Variants in CPQ observed in about 807,000 individuals in gnomAD.
CPQ encodes the protein carboxypeptidase Q.
Under a neutral mutation model 45.7 loss-of-function variants are expected in CPQ, and 37 were observed. That is an observed-to-expected ratio of 0.81 (90% CI 0.62 to 1.07). The LOEUF (loss-of-function observed/expected upper bound fraction) is 1.07, where lower values mean the gene tolerates loss of function less well. Among genes scored for constraint, CPQ ranks in the 50% least tolerant of loss-of-function variants. CPQ has a pLI of 0.00. For missense variants in CPQ, 537 were observed against 572.9 expected (o/e 0.94, Z 0.64); for synonymous variants, 186 against 205.8 (o/e 0.90, Z 0.82).
intron 5 of CPQ, among the ~76,000 whole-genome samples, chr8:96,995,757 A>T (rs551063665): frequency 3.3e-5 from 5 of 151,842 alleles, no homozygotes; most frequent in Non-Finnish European, 7.4e-5. Context: ...TTTGTTATAC[A>T]GATTATTTCA....
intron 2 of CPQ, among the ~76,000 whole-genome samples, chr8:96,787,676 T>C (rs909542783): frequency 1.7e-4 from 26 of 151,806 alleles, no homozygotes; most frequent in African/African-American, 6.0e-4. Flanking sequence ...AATTCACCAG[T>C]GAAGCAATCT....
chr8:96,690,985 A>G (rs1809297141), intron 1 of CPQ, among the ~76,000 whole-genome samples: 1 of 145,376 alleles, frequency 6.9e-6, no homozygotes, highest in Non-Finnish European at 1.5e-5. Flanking sequence ...TTCCAAGGCA[A>G]TATCCATGTG....
At chr8:96,876,035 T>G (rs1445797138) in intron 3 of CPQ, among the ~76,000 whole-genome samples, 1 of 152,038 alleles carries the variant, frequency 6.6e-6, no homozygotes, top group East Asian at 1.9e-4. Context: ...TTGTTCTATT[T>G]TATTGTTTTT....
At chr8:97,012,117 C>G (rs2130440695) in intron 5 of CPQ, among the ~76,000 whole-genome samples, 1 of 152,242 alleles carries the variant, frequency 6.6e-6, no homozygotes, top group Admixed American at 6.5e-5. Flanking sequence ...ATAATGATTT[C>G]TTCAGCACCA....
At chr8:97,013,998 G>C (rs1193275515) in intron 5 of CPQ, among the ~76,000 whole-genome samples, 2 of 152,298 alleles carry the variant, frequency 1.3e-5, no homozygotes, top group South Asian at 2.1e-4. Context: ...TATTGATAGA[G>C]ATACATGTTC....
At chr8:96,870,637 A>T (rs1259939874) in intron 3 of CPQ, among the ~76,000 whole-genome samples, 1 of 151,940 alleles carries the variant, frequency 6.6e-6, no homozygotes, top group African/African-American at 2.4e-5. Context: ...TACAATGGGG[A>T]CAGTAAGAGT....
chr8:97,073,161 TACAC>T (rs750083883), intron 7 of CPQ, among the ~76,000 whole-genome samples: 13 of 152,204 alleles, frequency 8.5e-5, no homozygotes, highest in Non-Finnish European at 1.5e-4. Flanking sequence ...AAGTACCAAA[TACAC>T]AGATTACTCA....
intron 1 of CPQ, among the ~76,000 whole-genome samples, chr8:96,750,184 G>C (rs1350127221): frequency 6.6e-6 from 1 of 151,472 alleles, no homozygotes; most frequent in East Asian, 1.9e-4. Flanking sequence ...TATGGAAGTT[G>C]TCAATGAGAG....
chr8:96,924,294 T>C (rs143249276), intron 4 of CPQ, among the ~76,000 whole-genome samples: 144 of 152,300 alleles, frequency 9.5e-4, no homozygotes, highest in Middle Eastern at 3.4e-3. Flanking sequence ...AGGGTGGGCA[T>C]TTACTCTATG....
At chr8:96,784,409 G>GT (rs3834881) in intron 1 of CPQ, among the ~76,000 whole-genome samples, 37 of 150,904 alleles carry the variant, frequency 2.5e-4, no homozygotes, top group African/African-American at 8.8e-4. Context: ...TGGGGGGGGG[G>GT]TTGGTAAAAT....
At chr8:96,926,682 TCTC>T (rs1472183091) in intron 4 of CPQ, among the ~76,000 whole-genome samples, 1 of 151,182 alleles carries the variant, frequency 6.6e-6, no homozygotes, top group African/African-American at 2.4e-5. Flanking sequence ...TTCTTCTTCT[TCTC>T]TTTTTATTGT....
At chr8:96,873,473 T>C (rs977789698) in intron 3 of CPQ, among the ~76,000 whole-genome samples, 2 of 151,734 alleles carry the variant, frequency 1.3e-5, no homozygotes, top group Non-Finnish European at 3.0e-5. Context: ...TATAAAAGTC[T>C]TAGGTAAATT....
At chr8:96,750,420 T>A (rs1454311663) in intron 1 of CPQ, among the ~76,000 whole-genome samples, 3 of 152,056 alleles carry the variant, frequency 2.0e-5, no homozygotes. Context: ...ACAGAGTACA[T>A]GTGTGATATG....
At position 97,069,565 on chromosome 8, in the gene CPQ, A is replaced by G. The variant is rs767704509; in HGVS notation, c.1255+3355A>G. On this transcript the variant is annotated intron_variant, in intron 7 of 7. Transcript: ENST00000220763. Reference sequence around the variant, plus strand: ...AATGAATTTGTCTGAAAAAGAAAAAAGTAAAAATATATCAGTTGTGTACCC... The same window carrying G: ...AATGAATTTGTCTGAAAAAGAAAAAGGTAAAAATATATCAGTTGTGTACCC... Among the ~76,000 whole-genome samples, 3 of 152,046 alleles carry G rather than the reference A, an allele frequency of 2.0e-5. 1 individual carries two copies. The South Asian group carries it at 6.2e-4, about 31-fold the overall frequency.
chr8:96,900,451 TTAGTGGAGGATAGA>T (rs1812499669), intron 4 of CPQ, among the ~76,000 whole-genome samples: 1 of 152,144 alleles, frequency 6.6e-6, no homozygotes, highest in Admixed American at 6.6e-5. Flanking sequence ...TGCTGTAGAA[TTAGTGGAGGATAGA>T]TAGATGGGAT....
chr8:96,974,312 G>T (rs1813737931), intron 5 of CPQ, among the ~76,000 whole-genome samples: 1 of 152,096 alleles, frequency 6.6e-6, no homozygotes. Context: ...TAGTCCAACA[G>T]GAAAATATCA....
intron 7 of CPQ, among the ~76,000 whole-genome samples, chr8:97,121,347 GT>G (rs1290962551): frequency 6.6e-6 from 1 of 152,192 alleles, no homozygotes; most frequent in East Asian, 1.9e-4. Flanking sequence ...CAGGAAGGTT[GT>G]TGTTGGACAA....
chr8:97,068,025 C>T (rs950891166), intron 7 of CPQ, among the ~76,000 whole-genome samples: 3 of 152,136 alleles, frequency 2.0e-5, no homozygotes, highest in Non-Finnish European at 2.9e-5. Flanking sequence ...AATGAGAGTG[C>T]AGACGGGGGG....
intron 1 of CPQ, among the ~76,000 whole-genome samples, chr8:96,685,984 A>C (rs552434682): frequency 6.6e-6 from 1 of 152,034 alleles, no homozygotes; most frequent in African/African-American, 2.4e-5. Flanking sequence ...TTTTAATGCA[A>C]TCTATTCTTA....
Sources: gnomAD v4.1 joint callset for allele counts (sites outside exome capture counted in the v4.1 genomes callset) on GRCh38, gnomAD v4.1.1 for gene constraint, MANE v1.5 for transcripts, NCBI Gene and HGNC (gene_info 2026-07-23, HGNC 2026-07-21) for gene names.